Variants in TMEM42 observed in about 807,000 individuals in gnomAD.
TMEM42 encodes the protein transmembrane protein 42.
A neutral mutation model predicts 14.0 loss-of-function variants in TMEM42; 8 were observed. That is an observed-to-expected ratio of 0.57 (90% CI 0.34 to 1.03). TMEM42 has a LOEUF of 1.03. Ranked by LOEUF, TMEM42 falls within the 50% of genes least tolerant of loss-of-function variation. The pLI, the probability that TMEM42 is intolerant of heterozygous loss-of-function variation, is 0.03. For synonymous variants in TMEM42, 115 were observed against 94.3 expected, an observed-to-expected ratio of 1.22 and a Z score of -1.27; for missense variants, 211 against 219.8, an observed-to-expected ratio of 0.96 and a Z score of 0.25.
In TMEM42 at chr3:44,863,897, G is replaced by A. The variant is rs546076166; in HGVS notation, c.193-300G>A. The A allele has an allele frequency of 1.3e-5, 5 of 388,124 alleles. No homozygotes were observed. The East Asian group carries it at 2.3e-4, about 18-fold the overall frequency. The allele number at this position is 388,124 out of a possible 1,614,324, so 24.0% of individuals were successfully genotyped here. A position where few individuals can be genotyped will look rare whatever the true frequency, so the allele number is the denominator to read the frequency against. ...CTGGTCATTGTGGGACCAATAAGGGGCCGGTGTTCAGTAGAAAATACTGGC... is the reference window on the plus strand; with the variant it reads ...CTGGTCATTGTGGGACCAATAAGGGACCGGTGTTCAGTAGAAAATACTGGC... On this transcript the variant is annotated intron_variant, in intron 1 of 2. Coordinates refer to ENST00000302392, the MANE Select transcript of TMEM42 (RefSeq NM_144638.3).
At chr3:44,864,121 T>C in intron 1 of TMEM42, 76 bp from the exon 2 acceptor site, 2 of 1,592,372 alleles carry the variant, frequency 1.3e-6, no homozygotes, top group Non-Finnish European at 1.7e-6. Flanking sequence ...GCAACCACAG[T>C]CCTGGGTGTG....
Position 44,865,516 on chromosome 3 carries a change from C to G in TMEM42, c.*336C>G. On this transcript the variant is annotated 3_prime_UTR_variant, in exon 3 of 3. Transcript: ENST00000302392. ...CTGTAATTATTGTCCTGTTGCCAAA[C>G]AAAAGCCAGTCATGTAACTCTAGAA... is the stretch of plus-strand genomic sequence containing the variant. 1 of 271,458 alleles carries G rather than the reference C, an allele frequency of 3.7e-6. No homozygotes were observed. The highest frequency in any genetic ancestry group is 7.2e-6 in the Non-Finnish European group (1 of 138,170). 16.8% of individuals were successfully genotyped at this position (271,458 alleles called of 1,614,324 possible).
chr3:44,865,092 G>C lies in TMEM42; in HGVS notation c.392G>C (p.Gly131Ala), dbSNP rs1559603124. ...YGECQEVLWW[G>A]GVFLILCGLT... The stretch of plus-strand genomic sequence containing the variant: ...GAGTGCCAGGAGGTCTTGTGGTGGG[G>C]AGGAGTGTTCCTTATTCTCTGCGGA... The change falls in exon 3 of 3, where the codon GGA (glycine) becomes GCA (alanine). Residue 131 changes from glycine (G) to alanine (A), a missense_variant. By Grantham distance (60) the Gly-to-Ala change is moderately conservative. Transcript: ENST00000302392. 1 of 1,614,148 alleles carries C rather than the reference G, an allele frequency of 6.2e-7. No individual in the cohort carries two copies. Among genetic ancestry groups the C allele is most frequent in the Middle Eastern group, 1.6e-4 (1 of 6,062 alleles).
In TMEM42 at chr3:44,864,159, C is replaced by T. The variant is rs749851753; in HGVS notation, c.193-38C>T. On this transcript the variant is annotated intron_variant, in intron 1 of 2. Transcript: ENST00000302392. ...TTGAGGGGGTCTGCAGGTTGCTGCCCAGGGTGGACGTGGCTGCAGTGACAC... is the reference window on the plus strand; with the variant it reads ...TTGAGGGGGTCTGCAGGTTGCTGCCTAGGGTGGACGTGGCTGCAGTGACAC... 5 of 1,611,520 alleles carry T rather than the reference C, an allele frequency of 3.1e-6. No homozygotes were observed. In the East Asian group the frequency reaches 1.1e-4, roughly 36 times the overall value.
chr3:44,864,142 G>A (rs1388149476), intron 1 of TMEM42, 55 bp from the exon 2 acceptor site: 3 of 1,608,756 alleles, frequency 1.9e-6, no homozygotes, highest in South Asian at 1.1e-5. Context: ...CTTTGAGGGG[G>A]TCTGCAGGTT....
At chr3:44,863,138 T>C (rs1461285850) in intron 1 of TMEM42, 1 of 151,996 alleles carries the variant, frequency 6.6e-6, no homozygotes, top group African/African-American at 2.4e-5. Context: ...TTAGTGTTAG[T>C]GTATTATATG....
chr3:44,865,475 G>C lies in TMEM42; in HGVS notation c.*295G>C, dbSNP rs1699311328. On this transcript the variant is annotated 3_prime_UTR_variant, in exon 3 of 3. Coordinates refer to ENST00000302392, the MANE Select transcript of TMEM42 (RefSeq NM_144638.3). ...CCTGGGGTTGGTCTGCTTTGTGTAT[G>C]GTACTTGAAACCACGCTGTAATTAT... The C allele has an allele frequency of 7.8e-6, 3 of 382,764 alleles. No homozygotes were observed. The Admixed American group carries it at 1.1e-4, about 14-fold the overall frequency. 23.7% of individuals were successfully genotyped at this position (382,764 alleles called of 1,614,324 possible).
At chr3:44,862,363 A>T (rs1355982116) in intron 1 of TMEM42, 2 of 158,258 alleles carry the variant, frequency 1.3e-5, no homozygotes, top group East Asian at 3.8e-4. Flanking sequence ...TGTAGGTGGT[A>T]AGAGACGTCG....
Position 44,861,967 on chromosome 3 carries a change from A to G in TMEM42, c.43A>G (p.Thr15Ala). 1 of 1,395,868 alleles carries G rather than the reference A, an allele frequency of 7.2e-7. No individual in the cohort carries two copies. The highest frequency in any genetic ancestry group is 9.3e-7 in the Non-Finnish European group (1 of 1,076,672). The allele number at this position is 1,395,868 out of a possible 1,614,324, so 86.5% of individuals were successfully genotyped here. A position where few individuals can be genotyped will look rare whatever the true frequency, so the allele number is the denominator to read the frequency against. Residue 15 changes from threonine to alanine, a missense_variant, in exon 1 of 3, where the codon ACC becomes GCC. Physicochemically the swap from Thr to Ala is moderately conservative, Grantham distance 58. Coordinates refer to ENST00000302392, the MANE Select transcript of TMEM42 (RefSeq NM_144638.3). Reference protein sequence around the residue: ...PGPPGGAVSATAYPDTPAEFP... With the variant: ...PGPPGGAVSAAAYPDTPAEFP... ...GCCTCCGGGCGGCGCCGTGTCCGCG[A>G]CCGCGTACCCTGACACCCCCGCGGA...
At position 44,862,012 on chromosome 3, in the gene TMEM42, G is replaced by T. The variant is rs747230634; in HGVS notation, c.88G>T (p.Ala30Ser). The change falls in exon 1 of 3, where the codon GCG becomes TCG. Residue 30 changes from alanine to serine, a missense_variant. Transcript: ENST00000302392. ...CGCGGAATTCCCTCCGCACCTCCAGGCGGGTGCGATGCGGCGCCGCTTTTG... is the reference window on the plus strand; with the variant it reads ...CGCGGAATTCCCTCCGCACCTCCAGTCGGGTGCGATGCGGCGCCGCTTTTG... Reference protein sequence around the residue: ...TPAEFPPHLQAGAMRRRFWGV... With the variant: ...TPAEFPPHLQSGAMRRRFWGV... 5 of 1,381,438 alleles carry T rather than the reference G, an allele frequency of 3.6e-6. No individual in the cohort carries two copies. In the African/African-American group the frequency reaches 6.0e-5, roughly 17 times the overall value. The allele number at this position is 1,381,438 out of a possible 1,614,324, so 85.6% of individuals were successfully genotyped here.
intron 1 of TMEM42, chr3:44,863,278 A>G (rs1372444629): frequency 7.1e-6 from 1 of 140,852 alleles, no homozygotes; most frequent in East Asian, 2.2e-4. Flanking sequence ...CATTACAAGT[A>G]ATAAGTATAT....
chr3:44,863,581 C>T (rs1351995437), intron 1 of TMEM42: 1 of 152,422 alleles, frequency 6.6e-6, no homozygotes, highest in East Asian at 1.9e-4. Flanking sequence ...ACCGCTGTAG[C>T]ACTTTAGGAA....
At chr3:44,862,259 C>G (rs1699265225) in intron 1 of TMEM42, 143 bp downstream of exon 1, 1 of 555,410 alleles carries the variant, frequency 1.8e-6, no homozygotes, top group Non-Finnish European at 2.3e-6. Flanking sequence ...CCTCGCCGGT[C>G]TGTCCCGCCG....
rs1699310842 is a variant in TMEM42, at chr3:44,865,441, G to A, written c.*261G>A. 1 of 466,718 alleles carries A rather than the reference G, an allele frequency of 2.1e-6. No individual in the cohort carries two copies. Among genetic ancestry groups the A allele is most frequent in the South Asian group, 3.8e-5 (1 of 26,544 alleles). 28.9% of individuals were successfully genotyped at this position (466,718 alleles called of 1,614,324 possible). ...CCTACCCCAGTGAGCCTTCGCAGAT[G>A]CTGGAGATCCTGGGGTTGGTCTGCT... is the stretch of plus-strand genomic sequence containing the variant. On this transcript the variant is annotated 3_prime_UTR_variant, in exon 3 of 3. Transcript: ENST00000302392.
chr3:44,863,221 G>A (rs1162081790), intron 1 of TMEM42: 1 of 148,376 alleles, frequency 6.7e-6, no homozygotes, highest in Non-Finnish European at 1.5e-5. Flanking sequence ...TAAGTTATAA[G>A]CAAGCACCTT....
intron 1 of TMEM42, 117 bp from the exon 2 acceptor site, chr3:44,864,080 T>G: frequency 8.0e-7 from 1 of 1,250,538 alleles, no homozygotes; most frequent in Non-Finnish European, 1.1e-6. Flanking sequence ...CTCTGAGCTG[T>G]AGTGGGAGCT....
In TMEM42 at chr3:44,864,907, C is replaced by A; in HGVS notation, c.340-133C>A. The A allele has an allele frequency of 3.5e-6, 4 of 1,156,642 alleles. 1 individual carries two copies. The highest frequency in any genetic ancestry group is 3.0e-5 in the South Asian group (2 of 66,106). 71.6% of individuals were successfully genotyped at this position (1,156,642 alleles called of 1,614,324 possible). A position where few individuals can be genotyped will look rare whatever the true frequency, so the allele number is the denominator to read the frequency against. The stretch of plus-strand genomic sequence containing the variant: ...TAGAGTGACTTGATGAAGGTGACAG[C>A]TAGGTTTCAAGCCCAAGGCTTCTGG... On this transcript the variant is annotated intron_variant, in intron 2 of 2. Coordinates refer to ENST00000302392, the MANE Select transcript of TMEM42 (RefSeq NM_144638.3).
In TMEM42 at chr3:44,863,304, C is replaced by CG. The variant is rs199685443; in HGVS notation, c.193-893_193-892insG. ...ATAAGTATATTTAGATTCCGCACCC[C>CG]CCCCCCCCGCCGCCTTGTCTCCAGG... On this transcript the variant is annotated intron_variant, in intron 1 of 2. Coordinates refer to ENST00000302392, the MANE Select transcript of TMEM42 (RefSeq NM_144638.3). 7.9e-5 allele frequency: 8 copies of CG among 101,364 alleles called. 1 individual carries two copies. The highest frequency in any genetic ancestry group is 3.7e-4 in the Admixed American group (4 of 10,822). 6.3% of individuals were successfully genotyped at this position (101,364 alleles called of 1,614,324 possible).
intron 1 of TMEM42, chr3:44,862,469 C>T (rs543813293): frequency 1.3e-5 from 2 of 152,894 alleles, no homozygotes; most frequent in Admixed American, 6.5e-5. Context: ...TACATCCACC[C>T]TCTACCTCTC....
Sources: gnomAD v4.1 joint callset for allele counts on GRCh38, gnomAD v4.1.1 for gene constraint, MANE v1.5 for transcripts, NCBI Gene and HGNC (gene_info 2026-07-23, HGNC 2026-07-21) for gene names.